The following GPC4 variants were observed in gnomAD, a reference collection of about 807,000 sequenced individuals.
The protein encoded by GPC4 is glypican 4, also known as glypican-4.
A neutral mutation model predicts 35.0 loss-of-function variants in GPC4; 10 were observed. The ratio of observed to expected loss-of-function variants is 0.29; its 90% CI spans 0.18 to 0.48. The LOEUF (loss-of-function observed/expected upper bound fraction) is 0.48, where lower values mean the gene tolerates loss of function less well. GPC4 is among the 20% of genes least tolerant of loss of function. The pLI, the probability that GPC4 is intolerant of heterozygous loss-of-function variation, is 0.99. For synonymous variants in GPC4, 167 were observed against 170.2 expected (o/e 0.98, Z 0.15); for missense variants, 322 against 451.3 (o/e 0.71, Z 2.60).
At chrX:133,318,141 C>A (rs186614591) in intron 3 of GPC4, among the ~76,000 whole-genome samples, 1 of 111,595 alleles carries the variant, frequency 9.0e-6, no homozygotes, top group Non-Finnish European at 1.9e-5. Flanking sequence ...CCATCCTCAC[C>A]CCTTCCCCAC....
At chrX:133,360,274 A>G (rs1251875901) in intron 1 of GPC4, among the ~76,000 whole-genome samples, 1 of 112,154 alleles carries the variant, frequency 8.9e-6, no homozygotes, top group South Asian at 3.8e-4. Context: ...GATGTTAGAT[A>G]AAAAGGTCAG....
At chrX:133,382,956 A>G (rs1019927011) in intron 1 of GPC4, among the ~76,000 whole-genome samples, 2 of 112,410 alleles carry the variant, frequency 1.8e-5, no homozygotes, top group South Asian at 7.4e-4. Flanking sequence ...GTTGGTGGGA[A>G]TGTAACATGG....
chrX:133,310,885 T>G (rs1296799292), intron 4 of GPC4, among the ~76,000 whole-genome samples: 2 of 111,005 alleles, frequency 1.8e-5, no homozygotes, highest in Non-Finnish European at 3.8e-5. Flanking sequence ...CCAGGGCTTT[T>G]GGGGGGCTGA....
In GPC4 at chrX:133,303,633, CTT is replaced by C. The variant is rs1472862899; in HGVS notation, c.1293-294_1293-293del. 2.5e-4 allele frequency among the ~76,000 whole-genome samples: 28 copies of C among 110,844 alleles called. 1 individual carries two copies. Among genetic ancestry groups the C allele is most frequent in the African/African-American group, 9.2e-4 (28 of 30,449 alleles). ...TTTGGAGGCTAAGGTGGGTGGATCA[CTT>C]GAGGTCAGGCATTCGAGACCAACCT... On this transcript the variant is annotated intron_variant, in intron 7 of 8. Transcript: ENST00000370828.
At chrX:133,350,718 T>C (rs964426076) in intron 1 of GPC4, among the ~76,000 whole-genome samples, 3 of 112,233 alleles carry the variant, frequency 2.7e-5, no homozygotes, top group African/African-American at 9.7e-5. Flanking sequence ...CTAAAAGTCA[T>C]AGTTAAGTTA....
At chrX:133,336,843 G>T (rs1163754311) in intron 2 of GPC4, among the ~76,000 whole-genome samples, 1 of 110,434 alleles carries the variant, frequency 9.1e-6, no homozygotes, top group Non-Finnish European at 1.9e-5. Context: ...TTTTGAGACA[G>T]GGTCTTGTTC....
intron 1 of GPC4, among the ~76,000 whole-genome samples, chrX:133,408,974 G>C (rs893727835): frequency 1.9e-4 from 21 of 109,585 alleles, no homozygotes; most frequent in Admixed American, 4.9e-4. Context: ...GGCCAACATG[G>C]TGAAACCACG....
chrX:133,304,121 G>A (rs2124102934), intron 7 of GPC4, among the ~76,000 whole-genome samples: 1 of 95,493 alleles, frequency 1.0e-5, no homozygotes, highest in East Asian at 3.4e-4. Context: ...GTGAAACCCT[G>A]TCACTACTAA....
At chrX:133,333,408 C>T (rs182703198) in intron 2 of GPC4, among the ~76,000 whole-genome samples, 82 of 112,647 alleles carry the variant, frequency 7.3e-4, no homozygotes, top group Admixed American at 5.6e-4. Flanking sequence ...ATTTTCAATC[C>T]GATGAGATAG....
intron 1 of GPC4, among the ~76,000 whole-genome samples, chrX:133,343,531 T>C (rs1184042562): frequency 2.7e-5 from 3 of 112,010 alleles, no homozygotes; most frequent in African/African-American, 9.7e-5. Flanking sequence ...CAATGCTTTA[T>C]GGTTTTCCAA....
chrX:133,397,465 G>T (rs747580506), intron 1 of GPC4, among the ~76,000 whole-genome samples: 4 of 110,374 alleles, frequency 3.6e-5, no homozygotes, highest in African/African-American at 1.3e-4. Flanking sequence ...GGTGAGGTGG[G>T]AGGATCATCT....
At chrX:133,335,473 G>A (rs887765080) in intron 2 of GPC4, among the ~76,000 whole-genome samples, 9 of 110,325 alleles carry the variant, frequency 8.2e-5, no homozygotes, top group Non-Finnish European at 1.1e-4. Flanking sequence ...ACACACACAC[G>A]CACACACACG....
chrX:133,354,804 A>C (rs1307655662), intron 1 of GPC4, among the ~76,000 whole-genome samples: 1 of 105,965 alleles, frequency 9.4e-6, no homozygotes, highest in Admixed American at 1.0e-4. Context: ...TCCTGACCTC[A>C]TGATCCACCC....
chrX:133,305,061 C>T (rs1215485173), intron 6 of GPC4, among the ~76,000 whole-genome samples, 200 bp from the exon 7 acceptor site: 1 of 112,000 alleles, frequency 8.9e-6, no homozygotes, highest in African/African-American at 3.2e-5. Context: ...GAAATGCAAG[C>T]TCCAAAGGAG....
intron 1 of GPC4, among the ~76,000 whole-genome samples, chrX:133,381,479 G>A (rs1247873122): frequency 1.9e-4 from 21 of 111,483 alleles, no homozygotes; most frequent in Non-Finnish European, 3.8e-5. Context: ...CAGTCCAGTG[G>A]TATGAGCCAC....
rs1603054156 is a variant in GPC4, at chrX:133,304,802, G to T, written c.1215C>A (p.Ser405Arg). The T allele has an allele frequency of 8.3e-7, 1 of 1,208,722 alleles. No individual in the cohort carries two copies. The highest frequency in any genetic ancestry group is 1.1e-6 in the Non-Finnish European group (1 of 894,226). ...QAKKFWSSLP[S>R]NVCNDERMAA... Reference sequence around the variant, plus strand: ...CCATCCTCTCATCGTTGCAAACGTTGCTCGGAAGGGAGGACCAGAATTTCT... The same window carrying T: ...CCATCCTCTCATCGTTGCAAACGTTTCTCGGAAGGGAGGACCAGAATTTCT... Residue 405 changes from serine (S) to arginine (R), a missense_variant, in exon 7 of 9, where the codon AGC (serine) becomes AGA (arginine). Physicochemically the swap from Ser to Arg is moderately radical, Grantham distance 110. Transcript: ENST00000370828.
intron 1 of GPC4, among the ~76,000 whole-genome samples, chrX:133,350,586 T>C (rs1411809117): frequency 1.8e-5 from 2 of 111,540 alleles, no homozygotes; most frequent in Non-Finnish European, 3.8e-5. Context: ...CAGTGATCCA[T>C]GCAAACCATT....
rs530877924 is a variant in GPC4, at chrX:133,310,824, C to T, written c.877+434G>A. On this transcript the variant is annotated intron_variant, in intron 4 of 8. Transcript: ENST00000370828. ...ATCATAAACACAACTGACTTTCAGGCGGGAAATATCAAAAAGACACTTTCT... is the reference window on the plus strand; with the variant it reads ...ATCATAAACACAACTGACTTTCAGGTGGGAAATATCAAAAAGACACTTTCT... Among the ~76,000 whole-genome samples the T allele has an allele frequency of 2.4e-4, 27 of 111,581 alleles. No homozygotes were observed. In the South Asian group the frequency reaches 7.4e-3, roughly 30 times the overall value.
intron 1 of GPC4, among the ~76,000 whole-genome samples, chrX:133,399,348 A>G (rs1460056792): frequency 2.0e-4 from 22 of 111,560 alleles, no homozygotes; most frequent in East Asian, 2.8e-4. Context: ...TGTAAACCCA[A>G]TCCTTAAAAT....
Sources: allele counts gnomAD v4.1 joint callset (sites outside exome capture counted in the v4.1 genomes callset), GRCh38; gene constraint gnomAD v4.1.1; transcripts MANE v1.5; gene names NCBI Gene and HGNC (gene_info 2026-07-23, HGNC 2026-07-21).